Variants in DPP6 observed in about 807,000 individuals in gnomAD.
DPP6 encodes A-type potassium channel modulatory protein DPP6.
Under a neutral mutation model 122.6 loss-of-function variants are expected in DPP6, and 69 were observed. The ratio of observed to expected loss-of-function variants is 0.56; its 90% CI spans 0.46 to 0.69. DPP6 has a LOEUF of 0.69. DPP6 is among the 30% of genes least tolerant of loss of function. DPP6 has a pLI of 0.00. For missense variants in DPP6, 928 were observed against 1,116.9 expected, an observed-to-expected ratio of 0.83 and a Z score of 2.41; for synonymous variants, 418 against 433.1, an observed-to-expected ratio of 0.97 and a Z score of 0.43.
At chr7:154,351,511 C>T (rs1046149474) in intron 1 of DPP6, among the ~76,000 whole-genome samples, 1 of 152,098 alleles carries the variant, frequency 6.6e-6, no homozygotes, top group Non-Finnish European at 1.5e-5. Flanking sequence ...GACCCCAACT[C>T]CTCCCTGAGT....
Position 154,588,185 on chromosome 7 carries a change from T to C in DPP6, c.627+21269T>C, listed in dbSNP as rs981838101. The C allele has an allele frequency of 3.3e-5, 49 of 1,499,426 alleles. No individual in the cohort carries two copies. The African/African-American group carries it at 6.0e-4, about 18-fold the overall frequency. 92.9% of individuals were successfully genotyped at this position (1,499,426 alleles called of 1,614,324 possible). A position where few individuals can be genotyped will look rare whatever the true frequency, so the allele number is the denominator to read the frequency against. On this transcript the variant is annotated intron_variant, in intron 5 of 25. Transcript: ENST00000377770. ...AAGAAATACTGCCTTCCCCATCCTA[T>C]CCCTGGTCACTGGGTGCCCGCAGAG...
chr7:154,620,828 G>A (rs1402753186), intron 5 of DPP6, among the ~76,000 whole-genome samples: 1 of 152,146 alleles, frequency 6.6e-6, no homozygotes, highest in South Asian at 2.1e-4. Context: ...TGTTTTGGTG[G>A]ACTCCTCCCC....
chr7:153,965,816 T>C (rs558699834), intron 1 of DPP6, among the ~76,000 whole-genome samples: 1 of 152,154 alleles, frequency 6.6e-6, no homozygotes, highest in Admixed American at 6.5e-5. Context: ...CATATTTTTG[T>C]TACTCTGAGT....
intron 1 of DPP6, among the ~76,000 whole-genome samples, chr7:154,082,778 A>G (rs1376261832): frequency 2.7e-4 from 40 of 150,938 alleles, no homozygotes; most frequent in African/African-American, 8.0e-4. Context: ...GCCTCCACAA[A>G]CCTTGAGGAG....
At chr7:154,807,444 C>T (rs1398861294) in intron 16 of DPP6, among the ~76,000 whole-genome samples, 1 of 152,186 alleles carries the variant, frequency 6.6e-6, no homozygotes. Context: ...AAATATCCTA[C>T]ACAGTGATGA....
At chr7:154,795,767 C>CACAGA in intron 11 of DPP6, 78 bp from the exon 12 acceptor site, 1 of 1,534,072 alleles carries the variant, frequency 6.5e-7, no homozygotes, top group South Asian at 1.2e-5. Context: ...CACTGTCGGT[C>CACAGA]ACAGACACAA....
chr7:154,516,593 A>T (rs1214095558), intron 3 of DPP6, among the ~76,000 whole-genome samples: 1 of 152,228 alleles, frequency 6.6e-6, no homozygotes, highest in East Asian at 1.9e-4. Context: ...ATATTTATTC[A>T]CTTGAGTAGG....
intron 1 of DPP6, among the ~76,000 whole-genome samples, chr7:154,272,533 C>A (rs560372681): frequency 6.6e-6 from 1 of 152,278 alleles, no homozygotes; most frequent in South Asian, 2.1e-4. Context: ...GCAAATTTTC[C>A]TTTTCTCACT....
intron 16 of DPP6, among the ~76,000 whole-genome samples, chr7:154,825,436 CAAGAA>C (rs1178528408): frequency 6.6e-6 from 1 of 152,196 alleles, no homozygotes; most frequent in Admixed American, 6.5e-5. Context: ...AATTGTCTTC[CAAGAA>C]AAGGGATATT....
chr7:153,966,420 G>A (rs977012900), intron 1 of DPP6, among the ~76,000 whole-genome samples: 1 of 149,256 alleles, frequency 6.7e-6, no homozygotes, highest in Non-Finnish European at 1.5e-5. Context: ...AGAGAGAGAA[G>A]GGTCTTCATT....
At chr7:154,521,023 G>T (rs940313346) in intron 3 of DPP6, among the ~76,000 whole-genome samples, 1 of 152,086 alleles carries the variant, frequency 6.6e-6, no homozygotes, top group Non-Finnish European at 1.5e-5. Context: ...ACTTGTTATT[G>T]ATTTGCTCTA....
At chr7:154,473,883 C>A (rs952229610) in intron 2 of DPP6, among the ~76,000 whole-genome samples, 1 of 152,120 alleles carries the variant, frequency 6.6e-6, no homozygotes, top group Non-Finnish European at 1.5e-5. Context: ...CAGTTAGCAC[C>A]AAGATCACCC....
chr7:154,866,564 C>T (rs544818062), intron 17 of DPP6, among the ~76,000 whole-genome samples: 1 of 152,336 alleles, frequency 6.6e-6, no homozygotes, highest in East Asian at 1.9e-4. Context: ...ACTGCAGACA[C>T]CCCTTGCAGA....
chr7:154,633,977 T>G (rs1003718461), intron 5 of DPP6, among the ~76,000 whole-genome samples: 1 of 151,902 alleles, frequency 6.6e-6, no homozygotes, highest in African/African-American at 2.4e-5. Flanking sequence ...TTCTTGACTT[T>G]ATTCATTTTT....
At chr7:154,407,620 C>T (rs1291142810) in intron 1 of DPP6, among the ~76,000 whole-genome samples, 1 of 152,092 alleles carries the variant, frequency 6.6e-6, no homozygotes, top group Non-Finnish European at 1.5e-5. Flanking sequence ...TTTTGAATCC[C>T]AATTTAAAAT....
intron 1 of DPP6, among the ~76,000 whole-genome samples, chr7:153,971,756 G>C (rs28645388): frequency 0.11 from 15,613 of 140,472 alleles, 1,046 homozygotes; most frequent in African/African-American, 0.19. Flanking sequence ...CCATAGGACT[G>C]TGCTGCAGGT....
chr7:154,729,728 G>T lies in DPP6; in HGVS notation c.883+1841G>T, dbSNP rs145935625. On this transcript the variant is annotated intron_variant, in intron 8 of 25. Coordinates refer to ENST00000377770, the MANE Select transcript of DPP6 (RefSeq NM_130797.4). ...CACATGAGGCTGTCCTTCCCTGTGT[G>T]GTCACCATGGAAGCCCCATGTTTAT... Among the ~76,000 whole-genome samples, 1,469 of 152,270 alleles carry T rather than the reference G, an allele frequency of 9.6e-3. 25 individuals are homozygous for T. Among genetic ancestry groups the T allele is most frequent in the African/African-American group, 0.034 (1,415 of 41,540 alleles).
chr7:153,832,995 T>C, the DPP6 span, among the ~76,000 whole-genome samples: 2 of 152,210 alleles, frequency 1.3e-5, no homozygotes, highest in East Asian at 1.9e-4. Flanking sequence ...TATTTCTCAA[T>C]GTGACACAGC....
rs111961354 is a variant in DPP6, at chr7:154,241,460, G to A, written c.243+188397G>A. ...CTGTAGTCCTGGCTATTTGGGAGGC[G>A]GAGGCAGGAGAATCGCTTGAACCCA... is the stretch of plus-strand genomic sequence containing the variant. On this transcript the variant is annotated intron_variant, in intron 1 of 25. Transcript: ENST00000377770. The surrounding 1 kb of genome is among the most constrained non-coding windows in gnomAD (Gnocchi z 9.0). Among the ~76,000 whole-genome samples, 4,529 of 151,858 alleles carry A rather than the reference G, an allele frequency of 0.03. 81 individuals are homozygous for A. The highest frequency in any genetic ancestry group is 0.062 in the Middle Eastern group (18 of 292).
Sources: allele counts gnomAD v4.1 joint callset (sites outside exome capture counted in the v4.1 genomes callset), GRCh38; gene constraint gnomAD v4.1.1; non-coding constraint Gnocchi (gnomAD v3.1); transcripts MANE v1.5; gene names NCBI Gene and HGNC (gene_info 2026-07-23, HGNC 2026-07-21).